CD244: variants seen among roughly 807,000 people sequenced by gnomAD.
CD244 encodes natural killer cell receptor 2B4.
Under a neutral mutation model 45.5 loss-of-function variants are expected in CD244, and 20 were observed. That is an observed-to-expected ratio of 0.44 (90% CI 0.31 to 0.64). CD244 has a LOEUF of 0.64. Among genes scored for constraint, CD244 ranks in the 30% least tolerant of loss-of-function variants. CD244 has a pLI of 0.08. For missense variants in CD244, 407 were observed against 426.9 expected (o/e 0.95, Z 0.41); for synonymous variants, 185 against 160.5 (o/e 1.15, Z -1.15).
At chr1:160,852,288 G>T (rs1455608841) in intron 1 of CD244, among the ~76,000 whole-genome samples, 1 of 152,260 alleles carries the variant, frequency 6.6e-6, no homozygotes, top group African/African-American at 2.4e-5. Flanking sequence ...AGCGGCTCAA[G>T]CCTGTAATCC....
intron 7 of CD244, among the ~76,000 whole-genome samples, chr1:160,832,870 GTA>G (rs1553194340): frequency 0.05 from 5,914 of 117,666 alleles, 156 homozygotes; most frequent in Non-Finnish European, 0.073. Flanking sequence ...GTGTGTGTGT[GTA>G]TATATATATA....
At chr1:160,838,739 C>T (rs944990978) in intron 4 of CD244, 200 bp downstream of exon 4, 12 of 614,578 alleles carry the variant, frequency 2.0e-5, no homozygotes, top group Admixed American at 2.9e-5. Context: ...GGGAAATCTG[C>T]GCATTGGGAT....
chr1:160,849,105 T>C (rs929969712), intron 1 of CD244, among the ~76,000 whole-genome samples: 1 of 152,274 alleles, frequency 6.6e-6, no homozygotes, highest in Middle Eastern at 3.4e-3. Flanking sequence ...ACCCAGCTGG[T>C]GTCCACTGCA....
At chr1:160,833,054 C>T (rs1330971847) in intron 7 of CD244, among the ~76,000 whole-genome samples, 1 of 151,976 alleles carries the variant, frequency 6.6e-6, no homozygotes, top group African/African-American at 2.4e-5. Context: ...CATGCATACA[C>T]ACACCCTTAA....
chr1:160,855,630 G>A (rs1224946752), intron 1 of CD244, among the ~76,000 whole-genome samples: 1 of 152,214 alleles, frequency 6.6e-6, no homozygotes, highest in Non-Finnish European at 1.5e-5. Context: ...GAGGCATAGA[G>A]GAGGACCCAA....
rs558813201 is a variant in CD244 at position 160,831,276 on chromosome 1, T to G, written c.*71A>C. The G allele has an allele frequency of 9.4e-7, 1 of 1,068,560 alleles. No homozygotes were observed. The highest frequency in any genetic ancestry group is 1.3e-5 in the South Asian group (1 of 79,226). 66.2% of individuals were successfully genotyped at this position (1,068,560 alleles called of 1,614,324 possible). On this transcript the variant is annotated 3_prime_UTR_variant, in exon 9 of 9. Transcript: ENST00000368034. ...AGGAACTGTTCTATAGAGACTCCTG[T>G]GCCGTCATCCACTGTGCCAATTCCC...
chr1:160,841,535 A>G (rs775118207), intron 2 of CD244, 49 bp downstream of exon 2: 5 of 1,611,524 alleles, frequency 3.1e-6, no homozygotes, highest in Non-Finnish European at 3.4e-6. Flanking sequence ...CAGAACTTAG[A>G]GGCCTATAGG....
intron 8 of CD244, 81 bp from the exon 9 acceptor site, chr1:160,831,508 C>T: frequency 1.0e-6 from 1 of 971,262 alleles, no homozygotes; most frequent in Non-Finnish European, 1.6e-6. Context: ...CTTGCCATCC[C>T]CATTTTACAG....
chr1:160,851,863 G>GAC (rs1267137015), intron 1 of CD244, among the ~76,000 whole-genome samples: 8 of 152,022 alleles, frequency 5.3e-5, no homozygotes, highest in African/African-American at 1.9e-4. Flanking sequence ...TCTTTAACAG[G>GAC]ACACACACAC....
intron 1 of CD244, among the ~76,000 whole-genome samples, chr1:160,853,541 G>A (rs554888734): frequency 6.6e-6 from 1 of 152,106 alleles, no homozygotes; most frequent in Non-Finnish European, 1.5e-5. Flanking sequence ...CAGAAAAAGA[G>A]TAATGACTAC....
chr1:160,854,551 C>CTT (rs61651879), intron 1 of CD244, among the ~76,000 whole-genome samples: 3,028 of 141,648 alleles, frequency 0.021, 78 homozygotes, highest in African/African-American at 0.057. Context: ...CCCAGCTATT[C>CTT]TTTTTTTTTT....
rs115668128 is a variant in CD244, at chr1:160,858,741, G to A, written c.61+3876C>T. 8.4e-3 allele frequency among the ~76,000 whole-genome samples: 1,273 copies of A among 152,352 alleles called. 11 individuals are homozygous for A. The highest frequency in any genetic ancestry group is 0.038 in the East Asian group (199 of 5,184). On this transcript the variant is annotated intron_variant, in intron 1 of 8. Transcript: ENST00000368034. ...GTAACAGTGACTCAGGCAATCTAGC[G>A]CAAGCTCTCTGAACAAACGGGCCCT...
intron 1 of CD244, among the ~76,000 whole-genome samples, chr1:160,849,708 A>T (rs1054597199): frequency 7.2e-5 from 11 of 152,330 alleles, no homozygotes; most frequent in Admixed American, 6.5e-4. Flanking sequence ...CAAGGAAAAT[A>T]GTCAAAGGGA....
At chr1:160,848,371 G>T in intron 1 of CD244, 1 of 569,066 alleles carries the variant, frequency 1.8e-6, no homozygotes, top group Non-Finnish European at 3.4e-6. Flanking sequence ...AGACTGAATG[G>T]ATGGATGGCA....
intron 4 of CD244, 109 bp downstream of exon 4, chr1:160,838,830 T>A (rs1375079722): frequency 1.4e-6 from 1 of 739,286 alleles, no homozygotes; most frequent in Non-Finnish European, 2.2e-6. Context: ...CAAAGCTCGT[T>A]GAGGAAAAGG....
chr1:160,846,057 T>C (rs749597351), intron 1 of CD244, among the ~76,000 whole-genome samples: 1 of 152,094 alleles, frequency 6.6e-6, no homozygotes, highest in Non-Finnish European at 1.5e-5. Flanking sequence ...ATGGTATCTT[T>C]TTTTTTTATT....
At chr1:160,847,363 A>G (rs181745778) in intron 1 of CD244, among the ~76,000 whole-genome samples, 2 of 152,158 alleles carry the variant, frequency 1.3e-5, no homozygotes, top group Admixed American at 6.5e-5. Context: ...TATAAATTAT[A>G]TATAAAACAA....
Position 160,836,235 on chromosome 1 carries a change from G to T in CD244, c.854C>A (p.Pro285His). The change falls in exon 6 of 9, where the codon CCT (proline) becomes CAT (histidine). Residue 285 changes from proline (P) to histidine (H), a missense_variant. By Grantham distance (77) the Pro-to-His change is moderately conservative. Transcript: ENST00000368034. ...RRNHEQEQTF[P>H]GGGSTIYSMI... ...AGAGTAGATGGTGCTCCCCCCTCCAGGAAAAGTCTGCTCCTGCTCCTGCAC... is the reference window on the plus strand; with the variant it reads ...AGAGTAGATGGTGCTCCCCCCTCCATGAAAAGTCTGCTCCTGCTCCTGCAC... The T allele has an allele frequency of 1.9e-6, 3 of 1,613,802 alleles. No homozygotes were observed. The highest frequency in any genetic ancestry group is 2.5e-6 in the Non-Finnish European group (3 of 1,179,736).
At chr1:160,835,994 C>G (rs892796269) in intron 6 of CD244, among the ~76,000 whole-genome samples, 7 of 152,208 alleles carry the variant, frequency 4.6e-5, no homozygotes, top group African/African-American at 1.7e-4. Context: ...ATGTCCACAT[C>G]AGGCTTCCCA....
Sources: allele counts gnomAD v4.1 joint callset (sites outside exome capture counted in the v4.1 genomes callset), GRCh38; gene constraint gnomAD v4.1.1; transcripts MANE v1.5; gene names NCBI Gene and HGNC (gene_info 2026-07-23, HGNC 2026-07-21).